The following CYP2C19 variants were observed in gnomAD, a reference collection of about 807,000 sequenced individuals.
The protein encoded by CYP2C19 is cytochrome P450 2C19.
Under a neutral mutation model 40.9 loss-of-function variants are expected in CYP2C19, and 59 were observed. The ratio of observed to expected loss-of-function variants is 1.44; its 90% CI spans 1.17 to 1.79. The LOEUF (loss-of-function observed/expected upper bound fraction) is 1.79. CYP2C19 is among the 40% of genes most tolerant of loss of function. The pLI, the probability that CYP2C19 is intolerant of heterozygous loss-of-function variation, is 0.00. For missense variants in CYP2C19, 754 were observed against 596.9 expected (o/e 1.26, Z -2.74); for synonymous variants, 253 against 208.7 (o/e 1.21, Z -1.83).
rs957760066 is a variant in CYP2C19 at position 94,846,103 on chromosome 10, T to C, written c.1149+3079T>C. Among the ~76,000 whole-genome samples the C allele has an allele frequency of 3.9e-5, 6 of 152,124 alleles. No homozygotes were observed. In the South Asian group the frequency reaches 1.2e-3, roughly 32 times the overall value. ...AAAATTTCCCAATTCTTAAGGAACA[T>C]TTTAATTACTTTTTTCTTTCAATTC... is the stretch of plus-strand genomic sequence containing the variant. On this transcript the variant is annotated intron_variant, in intron 7 of 8. Coordinates refer to ENST00000371321, the MANE Select transcript of CYP2C19 (RefSeq NM_000769.4).
intron 5 of CYP2C19, among the ~76,000 whole-genome samples, chr10:94,785,284 GTT>G (rs1361786831): frequency 6.6e-6 from 1 of 151,962 alleles, no homozygotes; most frequent in African/African-American, 2.4e-5. Context: ...GAGTTTTATA[GTT>G]TTAGCCCTTA....
At chr10:94,802,407 C>T (rs1451717331) in intron 5 of CYP2C19, among the ~76,000 whole-genome samples, 4 of 151,912 alleles carry the variant, frequency 2.6e-5, no homozygotes, top group African/African-American at 9.7e-5. Context: ...GATTGCAACC[C>T]CTGCTTTTTA....
intron 5 of CYP2C19, among the ~76,000 whole-genome samples, chr10:94,816,599 T>G (rs1214427633): frequency 3.3e-5 from 5 of 151,990 alleles, no homozygotes; most frequent in African/African-American, 7.2e-5. Context: ...TTATTATACT[T>G]TAAGTTTTAG....
chr10:94,810,445 C>G (rs374983881), intron 5 of CYP2C19, among the ~76,000 whole-genome samples: 19 of 152,008 alleles, frequency 1.2e-4, no homozygotes, highest in African/African-American at 2.4e-4. Context: ...GTTTGGAGTA[C>G]TTTCAGAAGG....
intron 7 of CYP2C19, among the ~76,000 whole-genome samples, chr10:94,848,349 T>G (rs917796800): frequency 4.6e-5 from 7 of 152,168 alleles, no homozygotes; most frequent in African/African-American, 7.2e-5. Flanking sequence ...TTTCCCCATT[T>G]CTTGTTTTTG....
Position 94,854,956 on chromosome 10 carries a change from G to A in CYP2C19, c.*2042G>A, listed in dbSNP as rs1849710055. Reference sequence around the variant, plus strand: ...GGAAATGAAAATGTATTAATGTAGTGTTAGTAGAGGTGTTGACAAACACCC... The same window carrying A: ...GGAAATGAAAATGTATTAATGTAGTATTAGTAGAGGTGTTGACAAACACCC... On this transcript the variant is annotated 3_prime_UTR_variant, in exon 9 of 9. Transcript: ENST00000371321. 2.0e-5 allele frequency among the ~76,000 whole-genome samples: 3 copies of A among 152,166 alleles called. No homozygotes were observed. In the South Asian group the frequency reaches 6.2e-4, roughly 31 times the overall value.
At chr10:94,811,285 GGTGTTTTACT>G (rs1848919269) in intron 5 of CYP2C19, among the ~76,000 whole-genome samples, 1 of 151,912 alleles carries the variant, frequency 6.6e-6, no homozygotes, top group South Asian at 2.1e-4. Flanking sequence ...TTTGCTGATG[GGTGTTTTACT>G]TCCAATTATG....
At chr10:94,845,741 A>T (rs75920138) in intron 7 of CYP2C19, among the ~76,000 whole-genome samples, 1 of 152,174 alleles carries the variant, frequency 6.6e-6, no homozygotes, top group African/African-American at 2.4e-5. Context: ...GGTATCTTAA[A>T]AACATTTTAA....
intron 5 of CYP2C19, among the ~76,000 whole-genome samples, chr10:94,808,150 G>A (rs1018922719): frequency 2.0e-5 from 3 of 151,948 alleles, no homozygotes; most frequent in Admixed American, 6.6e-5. Flanking sequence ...AATGTTCTTG[G>A]TGCCTTGTCA....
chr10:94,765,487 A>G (rs1211196273), intron 1 of CYP2C19, among the ~76,000 whole-genome samples: 4 of 152,120 alleles, frequency 2.6e-5, no homozygotes, highest in Admixed American at 2.0e-4. Flanking sequence ...AGTACTTGCC[A>G]AGGTAGCTCT....
At chr10:94,848,201 A>G (rs1247341585) in intron 7 of CYP2C19, among the ~76,000 whole-genome samples, 1 of 152,110 alleles carries the variant, frequency 6.6e-6, no homozygotes, top group Non-Finnish European at 1.5e-5. Flanking sequence ...TAGGATTTTT[A>G]TGGTTTTAGG....
chr10:94,834,510 T>C (rs1022260425), intron 6 of CYP2C19, among the ~76,000 whole-genome samples: 1 of 152,086 alleles, frequency 6.6e-6, no homozygotes, highest in African/African-American at 2.4e-5. Context: ...TGCTCTGATC[T>C]TTATTATTTC....
intron 6 of CYP2C19, among the ~76,000 whole-genome samples, chr10:94,824,857 C>A (rs997765558): frequency 7.2e-6 from 1 of 139,454 alleles, no homozygotes; most frequent in Non-Finnish European, 1.5e-5. Flanking sequence ...CTTCCTGTGT[C>A]AATGTGATCT....
chr10:94,769,911 T>A lies in CYP2C19; in HGVS notation c.169-5147T>A, dbSNP rs190304512. Reference sequence around the variant, plus strand: ...AATAGCTCCAGCTTTCACTAATATATCCCTCCTTAATAAGGGTGTGGGACT... The same window carrying A: ...AATAGCTCCAGCTTTCACTAATATAACCCTCCTTAATAAGGGTGTGGGACT... On this transcript the variant is annotated intron_variant, in intron 1 of 8. Transcript: ENST00000371321. Among the ~76,000 whole-genome samples the A allele has an allele frequency of 1.8e-3, 267 of 152,222 alleles. 1 individual carries two copies. Among genetic ancestry groups the A allele is most frequent in the Admixed American group, 3.8e-3 (58 of 15,300 alleles).
At chr10:94,849,262 A>G (rs1849616212) in intron 7 of CYP2C19, among the ~76,000 whole-genome samples, 1 of 152,184 alleles carries the variant, frequency 6.6e-6, no homozygotes, top group South Asian at 2.1e-4. Context: ...GGACAGATTC[A>G]GAAGGTTGCA....
chr10:94,776,538 A>G (rs1848409966), intron 3 of CYP2C19: 2 of 152,166 alleles, frequency 1.3e-5, no homozygotes, highest in Non-Finnish European at 2.9e-5. Flanking sequence ...CACTCAACAG[A>G]CTTCCAGCTG....
chr10:94,774,123 C>G (rs1848372929), intron 1 of CYP2C19: 1 of 152,168 alleles, frequency 6.6e-6, no homozygotes, highest in Admixed American at 6.5e-5. Flanking sequence ...AAGTCCCCAC[C>G]CGACACAGAA....
In CYP2C19 at chr10:94,797,923, G is replaced by C. The variant is rs113139620; in HGVS notation, c.819+15926G>C. ...TTCCTAGTGGTCTATCAGTTTTGTT[G>C]ATCTTTTCAAAATATCAGCTCCTGG... On this transcript the variant is annotated intron_variant, in intron 5 of 8. Transcript: ENST00000371321. 2.3e-3 allele frequency among the ~76,000 whole-genome samples: 350 copies of C among 151,732 alleles called. 1 individual carries two copies. Among genetic ancestry groups the C allele is most frequent in the African/African-American group, 7.3e-3 (303 of 41,426 alleles).
In CYP2C19 at chr10:94,775,163, G is replaced by C; in HGVS notation, c.274G>C (p.Glu92Gln). Residue 92 changes from glutamate (E) to glutamine (Q), a missense_variant, in exon 2 of 9, where the codon GAG becomes CAG. Transcript: ENST00000371321. The stretch of plus-strand genomic sequence containing the variant: ...GAAGGAAGCCCTGATTGATCTTGGA[G>C]AGGAGTTTTCTGGAAGAGGCCATTT... ...VVKEALIDLG[E>Q]EFSGRGHFPL... 1 of 1,614,140 alleles carries C rather than the reference G, an allele frequency of 6.2e-7. No homozygotes were observed. The highest frequency in any genetic ancestry group is 2.2e-5 in the East Asian group (1 of 44,880).
Sources: gnomAD v4.1 joint callset for allele counts (sites outside exome capture counted in the v4.1 genomes callset) on GRCh38, gnomAD v4.1.1 for gene constraint, MANE v1.5 for transcripts, NCBI Gene and HGNC (gene_info 2026-07-23, HGNC 2026-07-21) for gene names.